Variants in OTC observed in about 807,000 individuals in gnomAD.
The protein encoded by OTC is ornithine transcarbamylase, also known as ornithine transcarbamylase, mitochondrial.
A neutral mutation model predicts 30.3 loss-of-function variants in OTC; 3 were observed. The observed-to-expected ratio is 0.10, with a 90% CI of 0.05 to 0.26. The LOEUF is 0.26. OTC is among the 10% of genes least tolerant of loss of function. The pLI is 1.00. For synonymous variants in OTC, 111 were observed against 99.7 expected (o/e 1.11, Z -0.67); for missense variants, 194 against 260.3 (o/e 0.75, Z 1.75).
At chrX:38,336,801 T>C in the OTC span, among the ~76,000 whole-genome samples, 2 of 110,581 alleles carry the variant, frequency 1.8e-5, no homozygotes, top group Non-Finnish European at 3.8e-5. Context: ...CACTTCTGCT[T>C]TTTTTCAAGA....
chrX:38,400,137 C>G (rs1421648222), intron 4 of OTC, among the ~76,000 whole-genome samples: 2 of 111,092 alleles, frequency 1.8e-5, no homozygotes, highest in Non-Finnish European at 3.8e-5. Context: ...TGTTTATTTG[C>G]TTTTCTCATG....
At chrX:38,390,298 G>C in intron 4 of OTC, among the ~76,000 whole-genome samples, 1 of 111,848 alleles carries the variant, frequency 8.9e-6, no homozygotes, top group African/African-American at 3.2e-5. Context: ...AAATCATCTG[G>C]GTAGAGATGC....
the OTC span, among the ~76,000 whole-genome samples, chrX:38,329,768 T>C: frequency 5.4e-5 from 6 of 111,664 alleles, no homozygotes; most frequent in South Asian, 1.9e-3. Flanking sequence ...CAGCCTCTGA[T>C]TGGTTGCAAG....
In OTC at chrX:38,369,387, GC is replaced by G. The variant is rs1026094128; in HGVS notation, c.217-406del. The stretch of plus-strand genomic sequence containing the variant: ...TTTTGAGATGGAATATTGCTCTGTT[GC>G]CCAGGCTGGAGTGCAGTGGCAAGAT... On this transcript the variant is annotated intron_variant, in intron 2 of 9. Transcript: ENST00000039007. Among the ~76,000 whole-genome samples, 7 of 107,799 alleles carry G rather than the reference GC, an allele frequency of 6.5e-5. No homozygotes were observed. In the Admixed American group the frequency reaches 6.9e-4, roughly 11 times the overall value. 93.6% of individuals were successfully genotyped at this position (107,799 alleles called of 115,157 possible). A position where few individuals can be genotyped will look rare whatever the true frequency, so the allele number is the denominator to read the frequency against.
At chrX:38,375,676 G>T (rs2068343749) in intron 3 of OTC, among the ~76,000 whole-genome samples, 1 of 111,621 alleles carries the variant, frequency 9.0e-6, no homozygotes, top group African/African-American at 3.3e-5. Context: ...TTCGGTCTTA[G>T]ATATATTGAG....
the OTC span, among the ~76,000 whole-genome samples, chrX:38,344,540 G>GA: frequency 3.7e-5 from 4 of 108,676 alleles, no homozygotes; most frequent in African/African-American, 6.7e-5. Context: ...TCCACATGTG[G>GA]AAAAAAAAAC....
intron 5 of OTC, among the ~76,000 whole-genome samples, chrX:38,402,519 C>T (rs2068494687): frequency 8.9e-6 from 1 of 112,124 alleles, no homozygotes. Flanking sequence ...AATTGCTTAG[C>T]CTTTCTCTTT....
the OTC span, chrX:38,327,693 G>A: frequency 7.4e-4 from 256 of 346,219 alleles, 1 homozygote; most frequent in African/African-American, 6.5e-3. Context: ...GAGCAGAGAG[G>A]CGGCCACGCC....
rs184249531 is a variant in OTC, at chrX:38,354,223, C to T, written c.77+1450C>T. On this transcript the variant is annotated intron_variant, in intron 1 of 9. Coordinates refer to ENST00000039007, the MANE Select transcript of OTC (RefSeq NM_000531.6). ...AATAACGTAAAAATATACTTCACTCCAGCTACATGAATTCATAGTCTAGTG... is the reference window on the plus strand; with the variant it reads ...AATAACGTAAAAATATACTTCACTCTAGCTACATGAATTCATAGTCTAGTG... Among the ~76,000 whole-genome samples, 5 of 112,146 alleles carry T rather than the reference C, an allele frequency of 4.5e-5. No individual in the cohort carries two copies. In the East Asian group the frequency reaches 1.4e-3, roughly 31 times the overall value.
chrX:38,338,814 C>A, the OTC span, among the ~76,000 whole-genome samples: 4 of 112,054 alleles, frequency 3.6e-5, no homozygotes, highest in Non-Finnish European at 5.6e-5. Context: ...TTGCTGAAGT[C>A]CACAACCACT....
At chrX:38,345,312 G>A in the OTC span, among the ~76,000 whole-genome samples, 2 of 111,569 alleles carry the variant, frequency 1.8e-5, no homozygotes, top group East Asian at 2.8e-4. Context: ...ATAGTTTATG[G>A]TTTAAACAAA....
intron 6 of OTC, among the ~76,000 whole-genome samples, chrX:38,408,507 A>G (rs1306591027): frequency 9.0e-6 from 1 of 111,615 alleles, no homozygotes. Flanking sequence ...GTTTGCCTTT[A>G]TGATTAAAGA....
chrX:38,330,192 G>A, the OTC span, among the ~76,000 whole-genome samples: 1 of 111,741 alleles, frequency 8.9e-6, no homozygotes, highest in Non-Finnish European at 1.9e-5. Context: ...CTGTGAAGAT[G>A]AAGGTAAGGG....
the OTC span, among the ~76,000 whole-genome samples, chrX:38,331,443 T>TTTTTTTTTTTG: frequency 1.7e-4 from 5 of 28,891 alleles, no homozygotes; most frequent in Admixed American, 4.1e-4. Flanking sequence ...TTTTTTTTTG[T>TTTTTTTTTTTG]TTTTTTTTTT....
chrX:38,409,234 AC>A (rs1177390906), intron 8 of OTC, among the ~76,000 whole-genome samples: 1 of 111,894 alleles, frequency 8.9e-6, no homozygotes, highest in South Asian at 3.8e-4. Flanking sequence ...GGAATTTGAA[AC>A]CCACTGAGAA....
Position 38,401,580 on chromosome X carries a change from GA to G in OTC, c.540+156del, listed in dbSNP as rs1245956783. On this transcript the variant is annotated intron_variant, in intron 5 of 9. Transcript: ENST00000039007. ...ACAGCTTGTGTGTGCATTTTCTGGGGAAAACAGGACATTGTTAAAAACAGAC... is the reference window on the plus strand; with the variant it reads ...ACAGCTTGTGTGTGCATTTTCTGGGGAAACAGGACATTGTTAAAAACAGAC... The G allele has an allele frequency of 1.4e-5, 7 of 512,366 alleles. No individual in the cohort carries two copies. The African/African-American group carries it at 1.6e-4, about 12-fold the overall frequency. 42.2% of individuals were successfully genotyped at this position (512,366 alleles called of 1,213,427 possible).
At chrX:38,416,176 T>C (rs1312446952) in intron 9 of OTC, among the ~76,000 whole-genome samples, 1 of 112,154 alleles carries the variant, frequency 8.9e-6, no homozygotes. Context: ...GGCTTTTTCT[T>C]TAATGGTGTA....
chrX:38,338,733 A>G, the OTC span, among the ~76,000 whole-genome samples: 1 of 112,386 alleles, frequency 8.9e-6, no homozygotes, highest in Non-Finnish European at 1.9e-5. Flanking sequence ...CTAGAGAGAA[A>G]TACTTGGGCA....
chrX:38,331,402 C>T, the OTC span, among the ~76,000 whole-genome samples: 3 of 103,297 alleles, frequency 2.9e-5, no homozygotes, highest in African/African-American at 7.1e-5. Flanking sequence ...TACAGGCACC[C>T]GCCACTACAC....
Sources: allele counts gnomAD v4.1 joint callset (sites outside exome capture counted in the v4.1 genomes callset), GRCh38; gene constraint gnomAD v4.1.1; transcripts MANE v1.5; gene names NCBI Gene and HGNC (gene_info 2026-07-23, HGNC 2026-07-21).